Variants in PLXDC2 observed in about 807,000 individuals in gnomAD.
PLXDC2 encodes the protein plexin domain-containing protein 2.
A neutral mutation model predicts 68.9 loss-of-function variants in PLXDC2; 40 were observed. The ratio of observed to expected loss-of-function variants is 0.58; its 90% CI spans 0.45 to 0.76. The LOEUF is 0.76. Among genes scored for constraint, PLXDC2 ranks in the 30% least tolerant of loss-of-function variants. The pLI, the probability that PLXDC2 is intolerant of heterozygous loss-of-function variation, is 0.00. For missense variants in PLXDC2, 644 were observed against 661.9 expected (o/e 0.97, Z 0.30); for synonymous variants, 243 against 234.2 (o/e 1.04, Z -0.34).
chr10:19,968,427 C>T (rs1194972013), intron 1 of PLXDC2, among the ~76,000 whole-genome samples: 1 of 152,180 alleles, frequency 6.6e-6, no homozygotes, highest in East Asian at 1.9e-4. Flanking sequence ...ATTCTCCAGC[C>T]TCAGCCTCCT....
chr10:19,826,914 G>A (rs1195617982), intron 1 of PLXDC2, among the ~76,000 whole-genome samples: 4 of 152,164 alleles, frequency 2.6e-5, no homozygotes, highest in Admixed American at 2.0e-4. Context: ...AGACTGAGTT[G>A]TGTAATAAAT....
rs955850272 is a variant in PLXDC2, at chr10:20,147,812, T to C, written c.693T>C (p.His231=). 1.2e-6 allele frequency: 2 copies of C among 1,613,126 alleles called. No homozygotes were observed. The highest frequency in any genetic ancestry group is 2.2e-5 in the South Asian group (2 of 91,044). The stretch of plus-strand genomic sequence containing the variant: ...CAGCACTTGTGGTCCAGTGGGACCA[T>C]GTACATCTCCAGGATAATTATAACC... ...NGTALVVQWD[H]VHLQDNYNLG... Residue 231 remains histidine (H), a synonymous_variant, in exon 6 of 14, where the codon CAT becomes CAC. Coordinates refer to ENST00000377252, the MANE Select transcript of PLXDC2 (RefSeq NM_032812.9).
At chr10:19,979,211 G>A (rs942371901) in intron 1 of PLXDC2, among the ~76,000 whole-genome samples, 2 of 151,996 alleles carry the variant, frequency 1.3e-5, no homozygotes, top group African/African-American at 4.8e-5. Flanking sequence ...AAAGGAAGGG[G>A]GAGATTAAAG....
At chr10:20,122,974 T>A (rs1055134098) in intron 4 of PLXDC2, among the ~76,000 whole-genome samples, 1 of 152,114 alleles carries the variant, frequency 6.6e-6, no homozygotes, top group Non-Finnish European at 1.5e-5. Context: ...TTATATTTGA[T>A]GAAAAAGAGC....
At chr10:19,826,209 T>G (rs1430015873) in intron 1 of PLXDC2, among the ~76,000 whole-genome samples, 1 of 152,208 alleles carries the variant, frequency 6.6e-6, no homozygotes, top group African/African-American at 2.4e-5. Context: ...AGTTTTATGT[T>G]TAAGATTGCC....
At chr10:20,113,969 T>C (rs1229805182) in intron 4 of PLXDC2, among the ~76,000 whole-genome samples, 1 of 151,910 alleles carries the variant, frequency 6.6e-6, no homozygotes, top group South Asian at 2.1e-4. Context: ...ACTAAAAATA[T>C]AAAAATTAGT....
intron 1 of PLXDC2, among the ~76,000 whole-genome samples, chr10:19,994,426 T>C (rs913542348): frequency 1.4e-5 from 2 of 146,638 alleles, no homozygotes; most frequent in Non-Finnish European, 3.0e-5. Context: ...CTTCCTAGGC[T>C]CAAGCGATCC....
intron 4 of PLXDC2, among the ~76,000 whole-genome samples, chr10:20,121,687 G>A (rs1034030910): frequency 6.6e-6 from 1 of 152,134 alleles, no homozygotes; most frequent in African/African-American, 2.4e-5. Context: ...GGGAGGTATT[G>A]AGGATAGGAG....
At chr10:19,928,186 C>T (rs1833570563) in intron 1 of PLXDC2, among the ~76,000 whole-genome samples, 1 of 152,128 alleles carries the variant, frequency 6.6e-6, no homozygotes, top group Non-Finnish European at 1.5e-5. Context: ...TCTTTGTCCA[C>T]TCATTGGTTG....
intron 4 of PLXDC2, among the ~76,000 whole-genome samples, chr10:20,127,003 AT>A (rs1407090372): frequency 1.3e-5 from 2 of 151,198 alleles, no homozygotes; most frequent in Non-Finnish European, 1.5e-5. Flanking sequence ...AGGATATGAC[AT>A]TAGCTTGAAT....
intron 12 of PLXDC2, among the ~76,000 whole-genome samples, chr10:20,233,987 C>CTTT (rs113028024): frequency 4.8e-5 from 7 of 144,966 alleles, no homozygotes; most frequent in African/African-American, 7.7e-5. Context: ...TGCCCACCTA[C>CTTT]TTTTTTTTTT....
Position 20,249,107 on chromosome 10 carries a change from A to T in PLXDC2, c.1473+3602A>T, listed in dbSNP as rs191683407. On this transcript the variant is annotated intron_variant, in intron 13 of 13. Coordinates refer to ENST00000377252, the MANE Select transcript of PLXDC2 (RefSeq NM_032812.9). ...TGATTTCACTGTAATACAAATAGGT[A>T]TTCTTTTTTAAAGAACATTTTTCTG... Among the ~76,000 whole-genome samples the T allele has an allele frequency of 1.7e-3, 261 of 152,340 alleles. 1 individual carries two copies. The highest frequency in any genetic ancestry group is 6.8e-3 in the Middle Eastern group (2 of 294).
chr10:19,836,150 C>T (rs1048163108), intron 1 of PLXDC2, among the ~76,000 whole-genome samples: 1 of 152,046 alleles, frequency 6.6e-6, no homozygotes, highest in African/African-American at 2.4e-5. Context: ...GCACTCCAGC[C>T]TGGGCAACAG....
intron 1 of PLXDC2, among the ~76,000 whole-genome samples, chr10:19,930,834 G>T (rs981221705): frequency 6.6e-6 from 1 of 151,946 alleles, no homozygotes; most frequent in Non-Finnish European, 1.5e-5. Context: ...CTGGTTGCAG[G>T]TGCTTGCAAT....
At chr10:20,005,401 C>T (rs1835011056) in intron 2 of PLXDC2, among the ~76,000 whole-genome samples, 1 of 152,120 alleles carries the variant, frequency 6.6e-6, no homozygotes, top group Non-Finnish European at 1.5e-5. Flanking sequence ...TCAAGTAGCT[C>T]CTTGGCACTG....
In PLXDC2 at chr10:20,234,404, A is replaced by G. The variant is rs555020697; in HGVS notation, c.1313-10941A>G. ...CGGTAGCTAAGGGGCAGTCAGTGTG[A>G]TAAATACAGCTTTATAATATCCATT... On this transcript the variant is annotated intron_variant, in intron 12 of 13. Transcript: ENST00000377252. Among the ~76,000 whole-genome samples, 3 of 152,282 alleles carry G rather than the reference A, an allele frequency of 2.0e-5. No homozygotes were observed. In the South Asian group the frequency reaches 6.2e-4, roughly 32 times the overall value.
In PLXDC2 at chr10:20,245,382, A is replaced by G; in HGVS notation, c.1350A>G (p.Gly450=). Residue 450 remains glycine, a synonymous_variant, in exon 13 of 14, where the codon GGA becomes GGG. Coordinates refer to ENST00000377252, the MANE Select transcript of PLXDC2 (RefSeq NM_032812.9). ...TDDSAAEKKG[G]TLHAGLIIGI... ...ACAGTGCAGCTGAGAAGAAAGGGGG[A>G]ACCCTCCACGCTGGCCTCATCATTG... is the stretch of plus-strand genomic sequence containing the variant. 4 of 1,613,774 alleles carry G rather than the reference A, an allele frequency of 2.5e-6. No individual in the cohort carries two copies. Among genetic ancestry groups the G allele is most frequent in the Non-Finnish European group, 3.4e-6 (4 of 1,179,808 alleles).
chr10:20,162,556 A>C (rs143226100), intron 6 of PLXDC2, among the ~76,000 whole-genome samples: 9 of 152,178 alleles, frequency 5.9e-5, no homozygotes, highest in African/African-American at 1.9e-4. Flanking sequence ...TGAGATGATC[A>C]TGTCTTATTA....
chr10:20,002,948 G>A (rs76968349), intron 2 of PLXDC2, among the ~76,000 whole-genome samples: 1 of 152,238 alleles, frequency 6.6e-6, no homozygotes, highest in Non-Finnish European at 1.5e-5. Context: ...GAACAGTTCT[G>A]GACAAACTGG....
Sources: gnomAD v4.1 joint callset for allele counts (sites outside exome capture counted in the v4.1 genomes callset) on GRCh38, gnomAD v4.1.1 for gene constraint, MANE v1.5 for transcripts, NCBI Gene and HGNC (gene_info 2026-07-23, HGNC 2026-07-21) for gene names.